The following NETO1 variants were observed in gnomAD, a reference collection of about 807,000 sequenced individuals.
The protein encoded by NETO1 is neuropilin and tolloid like 1, also known as neuropilin and tolloid-like protein 1.
A neutral mutation model predicts 61.3 loss-of-function variants in NETO1; 26 were observed. That is an observed-to-expected ratio of 0.42 (90% CI 0.31 to 0.59). The LOEUF is 0.59. NETO1 is among the 20% of genes least tolerant of loss of function. NETO1 has a pLI of 0.12. For synonymous variants in NETO1, 225 were observed against 225.8 expected (o/e 1.00, Z 0.03); for missense variants, 531 against 662.8 (o/e 0.80, Z 2.18).
chr18:72,856,343 A>G (rs2074409378), intron 4 of NETO1, among the ~76,000 whole-genome samples: 1 of 152,214 alleles, frequency 6.6e-6, no homozygotes, highest in Non-Finnish European at 1.5e-5. Flanking sequence ...GTGACGTAGT[A>G]TAGGTAGGAA....
intron 7 of NETO1, among the ~76,000 whole-genome samples, chr18:72,761,242 C>T (rs939003678): frequency 2.0e-5 from 3 of 152,066 alleles, no homozygotes; most frequent in Non-Finnish European, 4.4e-5. Context: ...ATTTGAAAGT[C>T]GCGTCAAGGA....
chr18:72,859,929 C>CG (rs1555700873), intron 3 of NETO1, among the ~76,000 whole-genome samples: 9 of 148,638 alleles, frequency 6.1e-5, no homozygotes, highest in African/African-American at 2.2e-4. Context: ...CGAAAATTTC[C>CG]AAAAAAAAAA....
At chr18:72,834,092 A>T in intron 4 of NETO1, 1 of 941,136 alleles carries the variant, frequency 1.1e-6, no homozygotes, top group Non-Finnish European at 1.3e-6. Flanking sequence ...TACTTGTATT[A>T]TTGTCTTGGC....
At chr18:72,854,862 A>G (rs1333994030) in intron 4 of NETO1, among the ~76,000 whole-genome samples, 1 of 152,124 alleles carries the variant, frequency 6.6e-6, no homozygotes, top group East Asian at 1.9e-4. Context: ...AATAAAGTTG[A>G]GTCAATTTTT....
At position 72,859,035 on chromosome 18, in the gene NETO1, T is replaced by C; in HGVS notation, c.260A>G (p.Lys87Arg). 2.5e-6 allele frequency: 4 copies of C among 1,613,334 alleles called. No homozygotes were observed. The highest frequency in any genetic ancestry group is 3.4e-6 in the Non-Finnish European group (4 of 1,179,652). ...CTCCCAAGACGGTTCAATAGAGTACTTTTCATCAAAGTAAAGTTCAATGCA... is the reference window on the plus strand; with the variant it reads ...CTCCCAAGACGGTTCAATAGAGTACCTTTCATCAAAGTAAAGTTCAATGCA... Reference protein sequence around the residue: ...RQCIELYFDEKYSIEPSWECK... With the variant: ...RQCIELYFDERYSIEPSWECK... The change falls in exon 4 of 11, where the codon AAG becomes AGG. Residue 87 changes from lysine to arginine, a missense_variant. Lys to Arg is a conservative substitution (Grantham distance 26, BLOSUM62 2). Coordinates refer to ENST00000327305, the MANE Select transcript of NETO1 (RefSeq NM_138966.5).
chr18:72,773,584 T>A (rs1467476104), intron 7 of NETO1, among the ~76,000 whole-genome samples: 4 of 152,090 alleles, frequency 2.6e-5, no homozygotes, highest in African/African-American at 4.8e-5. Context: ...ATGGGGTCAG[T>A]TTCCCCCATC....
At chr18:72,772,707 ATGATATACACGTGTGTGTATCATG>A (rs2071389668) in intron 7 of NETO1, among the ~76,000 whole-genome samples, 1 of 149,014 alleles carries the variant, frequency 6.7e-6, no homozygotes, top group East Asian at 2.0e-4. Context: ...GCATATATAT[ATGATATACACGTGTGTGTATCATG>A]TACACACACA....
rs373290929 is a variant in NETO1, at chr18:72,777,532, A to G, written c.868+6146T>C. Among the ~76,000 whole-genome samples the G allele has an allele frequency of 6.6e-5, 10 of 151,930 alleles. No homozygotes were observed. The South Asian group carries it at 1.7e-3, about 25-fold the overall frequency. ...CGAGGGGTTGGATCACGAGGTCAGGAGACCAAGACCGTCCTGGCTAACACG... is the reference window on the plus strand; with the variant it reads ...CGAGGGGTTGGATCACGAGGTCAGGGGACCAAGACCGTCCTGGCTAACACG... On this transcript the variant is annotated intron_variant, in intron 7 of 10. Transcript: ENST00000327305.
At chr18:72,784,895 T>G (rs2071861665) in intron 6 of NETO1, among the ~76,000 whole-genome samples, 1 of 152,192 alleles carries the variant, frequency 6.6e-6, no homozygotes, top group Non-Finnish European at 1.5e-5. Flanking sequence ...GATATCACAG[T>G]GAACAAAAGA....
At chr18:72,796,828 T>TA in intron 4 of NETO1, among the ~76,000 whole-genome samples, 1 of 152,348 alleles carries the variant, frequency 6.6e-6, no homozygotes, top group East Asian at 1.9e-4. Flanking sequence ...AATCTCCATT[T>TA]AAAAAATAGG....
At chr18:72,794,507 A>C (rs774240959) in intron 4 of NETO1, 103 bp from the exon 5 acceptor site, 15 of 1,129,560 alleles carry the variant, frequency 1.3e-5, no homozygotes, top group Non-Finnish European at 1.9e-5. Flanking sequence ...ACCTTAAAAA[A>C]CACATTAGGG....
intron 3 of NETO1, 93 bp from the exon 4 acceptor site, chr18:72,859,167 T>C: frequency 1.6e-6 from 2 of 1,237,766 alleles, no homozygotes; most frequent in South Asian, 1.7e-5. Context: ...TTGTACATCT[T>C]CTCTCAAACT....
chr18:72,793,071 A>G (rs2072181316), intron 6 of NETO1, among the ~76,000 whole-genome samples: 2 of 152,170 alleles, frequency 1.3e-5, no homozygotes, highest in Non-Finnish European at 2.9e-5. Context: ...TTATTCTGTT[A>G]CATATTGGTT....
chr18:72,860,613 A>G (rs1290715926), intron 3 of NETO1, among the ~76,000 whole-genome samples: 1 of 152,238 alleles, frequency 6.6e-6, no homozygotes, highest in African/African-American at 2.4e-5. Context: ...TACATTGAAA[A>G]GAGACATTTA....
intron 4 of NETO1, among the ~76,000 whole-genome samples, chr18:72,805,563 T>C (rs2072648652): frequency 6.6e-6 from 1 of 152,200 alleles, no homozygotes. Flanking sequence ...GCTATGCTTG[T>C]TTTATAGCTG....
chr18:72,862,514 T>C (rs1238739501), intron 3 of NETO1, among the ~76,000 whole-genome samples: 1 of 152,156 alleles, frequency 6.6e-6, no homozygotes, highest in African/African-American at 2.4e-5. Flanking sequence ...TTTTCTGGGA[T>C]GGCAATTCCG....
chr18:72,801,189 C>A (rs1808094829), intron 4 of NETO1, among the ~76,000 whole-genome samples: 1 of 152,178 alleles, frequency 6.6e-6, no homozygotes. Flanking sequence ...ATGCGAAACT[C>A]CGTCAGCTTC....
chr18:72,846,655 CTTTT>C (rs1158002244), intron 4 of NETO1, among the ~76,000 whole-genome samples: 1 of 150,424 alleles, frequency 6.6e-6, no homozygotes, highest in Admixed American at 6.8e-5. Flanking sequence ...TTTTTATAAT[CTTTT>C]TTTATTTAAA....
At chr18:72,820,829 T>A (rs2073169579) in intron 4 of NETO1, among the ~76,000 whole-genome samples, 2 of 152,100 alleles carry the variant, frequency 1.3e-5, no homozygotes, top group Admixed American at 1.3e-4. Context: ...TCTTCTTGGG[T>A]CTTGAGTCGG....
Sources: allele counts gnomAD v4.1 joint callset (sites outside exome capture counted in the v4.1 genomes callset), GRCh38; gene constraint gnomAD v4.1.1; transcripts MANE v1.5; gene names NCBI Gene and HGNC (gene_info 2026-07-23, HGNC 2026-07-21).